LARGE1: variants seen among roughly 807,000 people sequenced by gnomAD.
LARGE1 encodes the protein xylosyl- and glucuronyltransferase LARGE1.
A neutral mutation model predicts 87.6 loss-of-function variants in LARGE1; 43 were observed. That is an observed-to-expected ratio of 0.49 (90% CI 0.38 to 0.63). The LOEUF (loss-of-function observed/expected upper bound fraction) is 0.63. LARGE1 is among the 30% of genes least tolerant of loss of function. LARGE1 has a pLI of 0.00. For missense variants in LARGE1, 802 were observed against 1,000.2 expected, an observed-to-expected ratio of 0.80 and a Z score of 2.67; for synonymous variants, 434 against 394.6, an observed-to-expected ratio of 1.10 and a Z score of -1.18.
chr22:33,675,593 C>A (rs1432336313), intron 2 of LARGE1, among the ~76,000 whole-genome samples: 2 of 152,076 alleles, frequency 1.3e-5, no homozygotes, highest in African/African-American at 4.8e-5. Flanking sequence ...CAAGGAGATC[C>A]AGCGATGAGC....
At chr22:33,646,202 T>G (rs527955360) in intron 3 of LARGE1, among the ~76,000 whole-genome samples, 2 of 152,122 alleles carry the variant, frequency 1.3e-5, no homozygotes, top group East Asian at 3.8e-4. Context: ...CCATCAATGA[T>G]AGACTGGATA....
chr22:33,297,171 AT>A, intron 12 of LARGE1, among the ~76,000 whole-genome samples: 1 of 152,324 alleles, frequency 6.6e-6, no homozygotes, highest in Non-Finnish European at 1.5e-5. Flanking sequence ...TTCAACAAGT[AT>A]TTATAGAACA....
intron 1 of LARGE1, among the ~76,000 whole-genome samples, chr22:33,908,488 A>G (rs1474514612): frequency 1.3e-5 from 2 of 151,586 alleles, no homozygotes; most frequent in Non-Finnish European, 2.9e-5. Context: ...CTAGGGGGAA[A>G]AAAATCAGTA....
At chr22:33,490,974 G>A (rs996864970) in intron 6 of LARGE1, among the ~76,000 whole-genome samples, 11 of 152,058 alleles carry the variant, frequency 7.2e-5, no homozygotes, top group Non-Finnish European at 1.5e-4. Context: ...AGAGAAAGTG[G>A]CAAGAATTTC....
chr22:33,083,844 G>A, the LARGE1 span, among the ~76,000 whole-genome samples: 3 of 152,302 alleles, frequency 2.0e-5, no homozygotes, highest in South Asian at 4.1e-4. Flanking sequence ...GATTGGGAAA[G>A]GAAAACCTCC....
At chr22:33,428,755 T>TA (rs899600991) in intron 7 of LARGE1, among the ~76,000 whole-genome samples, 14 of 86,774 alleles carry the variant, frequency 1.6e-4, no homozygotes, top group Non-Finnish European at 2.8e-4. Context: ...ACCCCGTCAC[T>TA]ACTAAAAAAA....
In LARGE1 at chr22:33,466,725, C is replaced by CACACACA. The variant is rs1290873508; in HGVS notation, c.788-34461_788-34460insTGTGTGT. ...ACACACACACACACATACACACACA[C>CACACACA]ACTACACACACACACCTTAAGAGTT... On this transcript the variant is annotated intron_variant, in intron 6 of 14. Transcript: ENST00000397394. Among the ~76,000 whole-genome samples the CACACACA allele has an allele frequency of 3.7e-3, 565 of 151,734 alleles. 3 individuals are homozygous for CACACACA. Among genetic ancestry groups the CACACACA allele is most frequent in the African/African-American group, 0.013 (532 of 41,276 alleles).
intron 6 of LARGE1, among the ~76,000 whole-genome samples, chr22:33,551,945 G>C (rs534611177): frequency 3.7e-5 from 5 of 133,648 alleles, no homozygotes; most frequent in Admixed American, 9.0e-5. Context: ...AGTGAGCCGA[G>C]ATCGCGCCAC....
At chr22:33,665,987 A>T (rs1015488921) in intron 2 of LARGE1, among the ~76,000 whole-genome samples, 7 of 152,210 alleles carry the variant, frequency 4.6e-5, no homozygotes, top group Admixed American at 4.6e-4. Flanking sequence ...AAGTTAAAAA[A>T]AAAAAGATCA....
intron 6 of LARGE1, among the ~76,000 whole-genome samples, chr22:33,454,436 G>T (rs947743378): frequency 6.6e-6 from 1 of 151,798 alleles, no homozygotes; most frequent in Non-Finnish European, 1.5e-5. Flanking sequence ...TGGCCAACAT[G>T]GTGAAATCCC....
the LARGE1 span, among the ~76,000 whole-genome samples, chr22:33,095,310 G>A: frequency 2.0e-5 from 3 of 152,128 alleles, no homozygotes; most frequent in Non-Finnish European, 4.4e-5. Context: ...GATGATTGTC[G>A]GCAATCCTTA....
chr22:33,707,801 T>C lies in LARGE1; in HGVS notation c.106+53570A>G, dbSNP rs556478938. On this transcript the variant is annotated intron_variant, in intron 2 of 14. Coordinates refer to ENST00000397394, the MANE Select transcript of LARGE1 (RefSeq NM_133642.5). ...ACCCAAGTGGCTGATGTCACTGTTATGATTTTAGTAGCACTGTGAGGGCCC... is the reference window on the plus strand; with the variant it reads ...ACCCAAGTGGCTGATGTCACTGTTACGATTTTAGTAGCACTGTGAGGGCCC... 5.3e-5 allele frequency among the ~76,000 whole-genome samples: 8 copies of C among 152,360 alleles called. No homozygotes were observed. The South Asian group carries it at 8.3e-4, about 16-fold the overall frequency.
intron 9 of LARGE1, among the ~76,000 whole-genome samples, chr22:33,381,328 T>C (rs1021125476): frequency 1.3e-5 from 2 of 152,212 alleles, no homozygotes; most frequent in African/African-American, 4.8e-5. Context: ...CCCTGTCTTC[T>C]TCCTCTTTCT....
chr22:33,888,485 G>T (rs1357603733), intron 1 of LARGE1, among the ~76,000 whole-genome samples: 3 of 152,132 alleles, frequency 2.0e-5, no homozygotes, highest in Admixed American at 6.5e-5. Context: ...TCATGATAAA[G>T]AATATTTGTA....
At chr22:33,697,277 T>C (rs1054454237) in intron 2 of LARGE1, among the ~76,000 whole-genome samples, 10 of 152,164 alleles carry the variant, frequency 6.6e-5, no homozygotes, top group African/African-American at 1.7e-4. Context: ...TCTCAGCAGA[T>C]ACAGCAGGGT....
At chr22:33,319,689 C>T (rs561759096) in intron 10 of LARGE1, among the ~76,000 whole-genome samples, 25 of 152,180 alleles carry the variant, frequency 1.6e-4, no homozygotes, top group Non-Finnish European at 3.2e-4. Flanking sequence ...AGCTACCGCG[C>T]CCGGCCAATA....
chr22:33,823,858 T>G (rs2062706427), intron 1 of LARGE1, among the ~76,000 whole-genome samples: 1 of 152,180 alleles, frequency 6.6e-6, no homozygotes, highest in Non-Finnish European at 1.5e-5. Flanking sequence ...AGGGCACGTC[T>G]CGATACAGGG....
intron 11 of LARGE1, among the ~76,000 whole-genome samples, chr22:33,174,740 A>G (rs1426767718): frequency 6.6e-6 from 1 of 152,176 alleles, no homozygotes; most frequent in Admixed American, 6.6e-5. Context: ...TACAAAATCT[A>G]GGAGAAATGG....
intron 9 of LARGE1, among the ~76,000 whole-genome samples, chr22:33,367,038 T>G (rs1047930063): frequency 6.6e-6 from 1 of 152,200 alleles, no homozygotes; most frequent in East Asian, 1.9e-4. Context: ...TTAAATCGGT[T>G]TTGGTAAGTA....
Sources: gnomAD v4.1 joint callset for allele counts (sites outside exome capture counted in the v4.1 genomes callset) on GRCh38, gnomAD v4.1.1 for gene constraint, MANE v1.5 for transcripts, NCBI Gene and HGNC (gene_info 2026-07-23, HGNC 2026-07-21) for gene names.